URB2: variants seen among roughly 807,000 people sequenced by gnomAD.
The protein encoded by URB2 is unhealthy ribosome biogenesis protein 2 homolog.
URB2 carries 86 observed loss-of-function variants against 120.9 expected under a neutral mutation model. The observed-to-expected ratio is 0.71, with a 90% CI of 0.60 to 0.85. URB2 has a LOEUF of 0.85. Among genes scored for constraint, URB2 ranks in the 40% least tolerant of loss-of-function variants. The pLI, the probability that URB2 is intolerant of heterozygous loss-of-function variation, is 0.00. For missense variants in URB2, 1,765 were observed against 1,836.5 expected, an observed-to-expected ratio of 0.96 and a Z score of 0.71; for synonymous variants, 755 against 758.4, an observed-to-expected ratio of 1.00 and a Z score of 0.07.
rs143810895 is a variant in URB2 at position 229,633,178 on chromosome 1, C to A, written c.303+733C>A. Among the ~76,000 whole-genome samples the A allele has an allele frequency of 5.3e-4, 80 of 152,190 alleles. No individual in the cohort carries two copies. The East Asian group carries it at 0.015, about 28-fold the overall frequency. On this transcript the variant is annotated intron_variant, in intron 3 of 9. Coordinates refer to ENST00000258243, the MANE Select transcript of URB2 (RefSeq NM_014777.4). ...ATGAGTGTGCGGGCTGAGAGAAAATCGTTAGAGGCTAGTAACGGAGGGGAA... is the reference window on the plus strand; with the variant it reads ...ATGAGTGTGCGGGCTGAGAGAAAATAGTTAGAGGCTAGTAACGGAGGGGAA...
In URB2 at chr1:229,626,306, G is replaced by T; in HGVS notation, c.-64G>T. 1.3e-5 allele frequency: 2 copies of T among 154,136 alleles called. No individual in the cohort carries two copies. Among genetic ancestry groups the T allele is most frequent in the South Asian group, 4.0e-4 (2 of 5,056 alleles). The allele number at this position is 154,136 out of a possible 1,614,324, so 9.5% of individuals were successfully genotyped here. On this transcript the variant is annotated 5_prime_UTR_variant, in exon 1 of 10. Coordinates refer to ENST00000258243, the MANE Select transcript of URB2 (RefSeq NM_014777.4). ...GCCGCCGCTGCCGCCGTCCTCCCCT[G>T]TCTACCCGGAGCTGTCTCGAGCTGA...
At chr1:229,655,884 G>C (rs1448190393) in intron 9 of URB2, among the ~76,000 whole-genome samples, 1 of 152,220 alleles carries the variant, frequency 6.6e-6, no homozygotes, top group African/African-American at 2.4e-5. Context: ...AGAAAACCTG[G>C]AGCTGCATCA....
chr1:229,638,277 T>C, intron 4 of URB2, 30 bp downstream of exon 4: 1 of 1,553,160 alleles, frequency 6.4e-7, no homozygotes, highest in Non-Finnish European at 8.7e-7. Flanking sequence ...GCTAATTCTG[T>C]GTTATAGAGG....
intron 1 of URB2, among the ~76,000 whole-genome samples, chr1:229,627,051 T>C (rs1261017181): frequency 6.6e-6 from 1 of 152,230 alleles, no homozygotes; most frequent in Non-Finnish European, 1.5e-5. Flanking sequence ...TTGTTTTCTA[T>C]TTTTAGTCTT....
intron 3 of URB2, among the ~76,000 whole-genome samples, chr1:229,634,608 G>A (rs1031809211): frequency 5.3e-5 from 8 of 152,164 alleles, no homozygotes; most frequent in African/African-American, 1.9e-4. Context: ...AAGAGAAAGT[G>A]ACATTTGGTA....
intron 5 of URB2, among the ~76,000 whole-genome samples, chr1:229,645,150 T>C (rs1666109463): frequency 1.3e-5 from 2 of 151,838 alleles, no homozygotes; most frequent in Non-Finnish European, 1.5e-5. Context: ...CTGGGCCTGG[T>C]GGTGGGTGGC....
Position 229,635,741 on chromosome 1 carries a change from T to A in URB2, c.1128T>A (p.Ala376=). Residue 376 remains alanine, a synonymous_variant, in exon 4 of 10, where the codon GCT becomes GCA. Transcript: ENST00000258243. ...CCAACAACAATATCTACAACATCGC[T>A]GCCGACAGAATTCGGCACGAAGAGG... The part of the protein sequence containing the change: ...SVANNNIYNI[A]ADRIRHEEAQ... 1 of 1,614,154 alleles carries A rather than the reference T, an allele frequency of 6.2e-7. No homozygotes were observed. Among genetic ancestry groups the A allele is most frequent in the Non-Finnish European group, 8.5e-7 (1 of 1,180,042 alleles).
At chr1:229,632,031 A>G (rs1571866996) in intron 2 of URB2, among the ~76,000 whole-genome samples, 1 of 152,206 alleles carries the variant, frequency 6.6e-6, no homozygotes, top group East Asian at 1.9e-4. Flanking sequence ...TGAAACTTTT[A>G]ATTTGCCCTA....
intron 6 of URB2, 117 bp from the exon 7 acceptor site, chr1:229,647,393 A>G: frequency 1.5e-6 from 2 of 1,293,826 alleles, no homozygotes; most frequent in Non-Finnish European, 2.1e-6. Flanking sequence ...CCCACGGACC[A>G]CATCAATTCA....
At position 229,645,942 on chromosome 1, in the gene URB2, G is replaced by A. The variant is rs145362478; in HGVS notation, c.3879G>A (p.Ala1293=). The change falls in exon 6 of 10, where the codon GCG becomes GCA. Residue 1293 remains alanine, a synonymous_variant. Coordinates refer to ENST00000258243, the MANE Select transcript of URB2 (RefSeq NM_014777.4). The part of the protein sequence containing the change: ...SGEKASLLWR[A]CPQIVTALTL... ...AGAAAGCAAGTCTGTTGTGGCGTGC[G>A]TGTCCCCAGATAGTCACAGCTTTAA... 66 of 1,614,040 alleles carry A rather than the reference G, an allele frequency of 4.1e-5. No individual in the cohort carries two copies. Among genetic ancestry groups the A allele is most frequent in the African/African-American group, 2.9e-4 (22 of 74,910 alleles).
At chr1:229,642,465 G>A (rs1666033342) in intron 4 of URB2, among the ~76,000 whole-genome samples, 1 of 152,198 alleles carries the variant, frequency 6.6e-6, no homozygotes, top group African/African-American at 2.4e-5. Context: ...AGTAAGCAAA[G>A]ACAGGAAAGC....
In URB2 at chr1:229,637,052, G is replaced by A. The variant is rs138859464; in HGVS notation, c.2439G>A (p.Thr813=). The part of the protein sequence containing the change: ...EMQSLHSAFL[T]CVTTSCSSIL... ...AGTCCCTTCATTCTGCTTTCTTAAC[G>A]TGCGTAACCACAAGTTGCTCCAGCA... is the stretch of plus-strand genomic sequence containing the variant. The change falls in exon 4 of 10, where the codon ACG becomes ACA. Residue 813 remains threonine, a synonymous_variant. Coordinates refer to ENST00000258243, the MANE Select transcript of URB2 (RefSeq NM_014777.4). The A allele has an allele frequency of 2.1e-4, 344 of 1,614,034 alleles. 3 individuals carry two copies. In the African/African-American group the frequency reaches 2.6e-3, roughly 12 times the overall value.
chr1:229,656,546 A>G (rs879387926), intron 9 of URB2, among the ~76,000 whole-genome samples: 4 of 152,244 alleles, frequency 2.6e-5, no homozygotes, highest in Non-Finnish European at 5.9e-5. Context: ...AATATTCCAT[A>G]TGCATTAGCA....
chr1:229,657,893 C>T (rs1666442201), intron 9 of URB2, among the ~76,000 whole-genome samples: 1 of 152,182 alleles, frequency 6.6e-6, no homozygotes, highest in African/African-American at 2.4e-5. Flanking sequence ...TAAAATATGT[C>T]CTCATTAGAA....
intron 7 of URB2, among the ~76,000 whole-genome samples, chr1:229,649,935 G>A (rs952325427): frequency 7.9e-5 from 12 of 152,208 alleles, no homozygotes; most frequent in Admixed American, 6.5e-4. Flanking sequence ...AAAAGGATTT[G>A]TGTGCTTTTC....
chr1:229,652,556 T>G (rs1666305546), intron 8 of URB2, among the ~76,000 whole-genome samples: 1 of 152,262 alleles, frequency 6.6e-6, no homozygotes, highest in South Asian at 2.1e-4. Context: ...AGTTAGATAT[T>G]TCGCTTCTTC....
Position 229,637,437 on chromosome 1 carries a change from T to C in URB2, c.2824T>C (p.Leu942=), listed in dbSNP as rs777697841. The change falls in exon 4 of 10, where the codon TTG becomes CTG. Residue 942 remains leucine, a synonymous_variant. Transcript: ENST00000258243. ...CTCCTCCTCACTGGCTCTCAAGTTC[T>C]TGACGACTTGCTACCAACTTCTTGG... is the stretch of plus-strand genomic sequence containing the variant. ...SCSSSLALKF[L]TTCYQLLGYL... 13 of 1,614,080 alleles carry C rather than the reference T, an allele frequency of 8.1e-6. No homozygotes were observed. Among genetic ancestry groups the C allele is most frequent in the Admixed American group, 1.7e-5 (1 of 60,010 alleles).
At chr1:229,632,594 G>A in intron 3 of URB2, 149 bp downstream of exon 3, 2 of 630,440 alleles carry the variant, frequency 3.2e-6, no homozygotes, top group South Asian at 8.0e-5. Flanking sequence ...AATTAAAATA[G>A]TAACTATTGA....
chr1:229,653,941 T>G lies in URB2; in HGVS notation c.4238-308T>G, dbSNP rs1015830195. On this transcript the variant is annotated intron_variant, in intron 8 of 9. Coordinates refer to ENST00000258243, the MANE Select transcript of URB2 (RefSeq NM_014777.4). ...TTATAGAACTCCATCTTGGTGTTTT[T>G]TTTTTTTTTTTTTTTTTTTAAGTAA... is the stretch of plus-strand genomic sequence containing the variant. Among the ~76,000 whole-genome samples the G allele has an allele frequency of 4.7e-5, 7 of 149,814 alleles. 1 individual carries two copies. Among genetic ancestry groups the G allele is most frequent in the Non-Finnish European group, 1.5e-5 (1 of 67,358 alleles).
Sources: gnomAD v4.1 joint callset for allele counts (sites outside exome capture counted in the v4.1 genomes callset) on GRCh38, gnomAD v4.1.1 for gene constraint, MANE v1.5 for transcripts, NCBI Gene and HGNC (gene_info 2026-07-23, HGNC 2026-07-21) for gene names.